TMEM245: variants seen among roughly 807,000 people sequenced by gnomAD.
TMEM245 encodes transmembrane protein 245.
A neutral mutation model predicts 101.2 loss-of-function variants in TMEM245; 69 were observed. The ratio of observed to expected loss-of-function variants is 0.68; its 90% CI spans 0.56 to 0.83. The LOEUF (loss-of-function observed/expected upper bound fraction) is 0.83. TMEM245 is among the 40% of genes least tolerant of loss of function. TMEM245 has a pLI of 0.00. For synonymous variants in TMEM245, 537 were observed against 449.8 expected, an observed-to-expected ratio of 1.19 and a Z score of -2.45; for missense variants, 1,075 against 1,092.8, an observed-to-expected ratio of 0.98 and a Z score of 0.23.
intron 7 of TMEM245, among the ~76,000 whole-genome samples, chr9:109,082,743 T>C (rs961924878): frequency 3.9e-5 from 6 of 152,054 alleles, no homozygotes; most frequent in African/African-American, 1.4e-4. Flanking sequence ...TTTTAACATA[T>C]AAAACATAGA....
Position 109,066,452 on chromosome 9 carries a change from C to CAAAAAAA in TMEM245, c.1533-1892_1533-1886dup, listed in dbSNP as rs386415818. ...CCTGGGCAAAAGAGCAAGACTGTCT[C>CAAAAAAA]AAAAAAAAAAAAAAAAAAAAAAAAA... On this transcript the variant is annotated intron_variant, in intron 9 of 17. Transcript: ENST00000374586. 9.5e-3 allele frequency among the ~76,000 whole-genome samples: 499 copies of CAAAAAAA among 52,416 alleles called. 47 individuals are homozygous for CAAAAAAA. Among genetic ancestry groups the CAAAAAAA allele is most frequent in the African/African-American group, 0.043 (373 of 8,582 alleles). 34.4% of individuals were successfully genotyped at this position (52,416 alleles called of 152,430 possible).
intron 5 of TMEM245, among the ~76,000 whole-genome samples, chr9:109,089,068 G>A (rs1201738980): frequency 6.6e-6 from 1 of 151,266 alleles, no homozygotes; most frequent in Non-Finnish European, 1.5e-5. Context: ...TTGAGTCCAG[G>A]AGTTTGAGAC....
chr9:109,049,804 A>G (rs182466541), intron 14 of TMEM245, among the ~76,000 whole-genome samples: 11 of 152,222 alleles, frequency 7.2e-5, no homozygotes, highest in African/African-American at 2.6e-4. Context: ...TCCATCTCCA[A>G]AAAACAAAGA....
chr9:109,021,410 T>C (rs574809032), intron 17 of TMEM245, among the ~76,000 whole-genome samples: 1 of 152,356 alleles, frequency 6.6e-6, no homozygotes, highest in African/African-American at 2.4e-5. Flanking sequence ...TCTATTACCA[T>C]TCTTTTAGAT....
chr9:109,043,704 C>A (rs1387692763), intron 14 of TMEM245, among the ~76,000 whole-genome samples: 1 of 152,138 alleles, frequency 6.6e-6, no homozygotes, highest in African/African-American at 2.4e-5. Flanking sequence ...AGCCACTGAG[C>A]TAGAGGCACG....
At chr9:109,071,080 C>T (rs1178745373) in intron 9 of TMEM245, among the ~76,000 whole-genome samples, 1 of 151,812 alleles carries the variant, frequency 6.6e-6, no homozygotes, top group Non-Finnish European at 1.5e-5. Flanking sequence ...GGGGTTTCAC[C>T]ATATTGGCCA....
chr9:109,021,969 CATAAA>C (rs1432394719), intron 17 of TMEM245, among the ~76,000 whole-genome samples: 3 of 152,228 alleles, frequency 2.0e-5, no homozygotes, highest in South Asian at 2.1e-4. Flanking sequence ...CCTAAAAACT[CATAAA>C]ATAAACAATC....
At chr9:109,039,541 T>A (rs1443223836) in intron 14 of TMEM245, among the ~76,000 whole-genome samples, 1 of 151,766 alleles carries the variant, frequency 6.6e-6, no homozygotes, top group Non-Finnish European at 1.5e-5. Context: ...AAAAGGATGA[T>A]GAAAATACCC....
At chr9:109,071,637 T>C in intron 9 of TMEM245, among the ~76,000 whole-genome samples, 1 of 151,784 alleles carries the variant, frequency 6.6e-6, no homozygotes, top group Non-Finnish European at 1.5e-5. Flanking sequence ...CTAAATCAAG[T>C]TCAAGTAATG....
chr9:109,034,678 T>G (rs1828065662), intron 16 of TMEM245, among the ~76,000 whole-genome samples: 1 of 152,050 alleles, frequency 6.6e-6, no homozygotes, highest in Non-Finnish European at 1.5e-5. Context: ...GCTCCTGGGC[T>G]CAAGTGATCC....
intron 3 of TMEM245, among the ~76,000 whole-genome samples, chr9:109,104,186 G>C (rs1053633926): frequency 6.6e-6 from 1 of 152,104 alleles, no homozygotes; most frequent in East Asian, 1.9e-4. Context: ...AAATAACTAA[G>C]AGTATAATTG....
Position 109,018,749 on chromosome 9 carries a change from T to C in TMEM245, c.*1711A>G, listed in dbSNP as rs1172738051. The stretch of plus-strand genomic sequence containing the variant: ...AACTACCCCCCAACACTTTTTTTTT[T>C]CCTTGGGACAGTGTCTCACTCTCTC... On this transcript the variant is annotated 3_prime_UTR_variant, in exon 18 of 18. Coordinates refer to ENST00000374586, the MANE Select transcript of TMEM245 (RefSeq NM_032012.4). 2.6e-5 allele frequency: 4 copies of C among 151,908 alleles called. No homozygotes were observed. Among genetic ancestry groups the C allele is most frequent in the South Asian group, 2.1e-4 (1 of 4,814 alleles). 9.4% of individuals were successfully genotyped at this position (151,908 alleles called of 1,614,324 possible). A position where few individuals can be genotyped will look rare whatever the true frequency, so the allele number is the denominator to read the frequency against.
In TMEM245 at chr9:109,037,451, A is replaced by G. The variant is rs903171148; in HGVS notation, c.2224+566T>C. Among the ~76,000 whole-genome samples the G allele has an allele frequency of 2.6e-5, 4 of 152,186 alleles. No individual in the cohort carries two copies. The South Asian group carries it at 6.2e-4, about 24-fold the overall frequency. On this transcript the variant is annotated intron_variant, in intron 15 of 17. Transcript: ENST00000374586. ...ATCCCATGTCAAATTGTAATCCCCAATGTTGGAGGTAAAACCTGGTGAGAG... is the reference window on the plus strand; with the variant it reads ...ATCCCATGTCAAATTGTAATCCCCAGTGTTGGAGGTAAAACCTGGTGAGAG...
chr9:109,032,480 G>A (rs1827988240), intron 17 of TMEM245, among the ~76,000 whole-genome samples: 1 of 134,124 alleles, frequency 7.5e-6, no homozygotes, highest in African/African-American at 2.8e-5. Flanking sequence ...CACCTCCCAG[G>A]TTCAAGCAAT....
chr9:109,086,820 T>C (rs147751286), intron 6 of TMEM245, among the ~76,000 whole-genome samples: 37 of 152,346 alleles, frequency 2.4e-4, no homozygotes, highest in African/African-American at 8.9e-4. Context: ...ATCTGACATA[T>C]GGTAATTACT....
At position 109,057,339 on chromosome 9, in the gene TMEM245, T is replaced by C. The variant is rs771381651; in HGVS notation, c.1723-17A>G. On this transcript the variant is annotated splice_polypyrimidine_tract_variant and intron_variant, in intron 11 of 17. Transcript: ENST00000374586. ...TGTTACATTCTATGGAATAAAACAG[T>C]GCAGACATGAAATTCCCATCTTAAT... The C allele has an allele frequency of 3.7e-6, 6 of 1,601,596 alleles. No homozygotes were observed. The highest frequency in any genetic ancestry group is 5.1e-6 in the Non-Finnish European group (6 of 1,173,380).
intron 12 of TMEM245, 49 bp from the exon 13 acceptor site, chr9:109,050,741 G>C: frequency 6.2e-7 from 1 of 1,605,414 alleles, no homozygotes; most frequent in South Asian, 1.1e-5. Context: ...CATGAAAAAA[G>C]TTTCTAGAGC....
At chr9:109,106,035 G>A (rs1830407590) in intron 3 of TMEM245, among the ~76,000 whole-genome samples, 1 of 152,162 alleles carries the variant, frequency 6.6e-6, no homozygotes. Context: ...GCCTCCCAAA[G>A]TGCTGGGATT....
intron 14 of TMEM245, chr9:109,042,582 A>C (rs1205852622): frequency 1.3e-5 from 2 of 151,810 alleles, no homozygotes; most frequent in African/African-American, 4.8e-5. Flanking sequence ...ATCTCTCTCC[A>C]TCTCTGAGCT....
Sources: allele counts gnomAD v4.1 joint callset (sites outside exome capture counted in the v4.1 genomes callset), GRCh38; gene constraint gnomAD v4.1.1; transcripts MANE v1.5; gene names NCBI Gene and HGNC (gene_info 2026-07-23, HGNC 2026-07-21).